Variants in FIGN observed in about 807,000 individuals in gnomAD.
FIGN encodes fidgetin.
Under a neutral mutation model 51.3 loss-of-function variants are expected in FIGN, and 11 were observed. The ratio of observed to expected loss-of-function variants is 0.21; its 90% confidence interval spans 0.13 to 0.35. FIGN has a LOEUF of 0.35. FIGN is among the 10% of genes least tolerant of loss of function. FIGN has a pLI of 1.00. For missense variants in FIGN, 857 were observed against 943.6 expected (o/e 0.91, Z 1.20); for synonymous variants, 407 against 363.2 (o/e 1.12, Z -1.37).
intron 2 of FIGN, among the ~76,000 whole-genome samples, chr2:163,690,904 A>G (rs1432003579): frequency 6.6e-6 from 1 of 152,050 alleles, no homozygotes; most frequent in African/African-American, 2.4e-5. Context: ...TTTTTAAACT[A>G]TAAAACATTT....
intron 2 of FIGN, among the ~76,000 whole-genome samples, chr2:163,709,950 A>T (rs1684561860): frequency 6.6e-6 from 1 of 152,168 alleles, no homozygotes; most frequent in Admixed American, 6.5e-5. Context: ...GACAACCCAT[A>T]AGGAAAATAA....
intron 2 of FIGN, chr2:163,612,466 G>A (rs962986873): frequency 1.4e-5 from 14 of 985,034 alleles, no homozygotes; most frequent in Middle Eastern, 5.2e-4. Context: ...AATCTGCTTC[G>A]TGGAGTGCAG....
chr2:163,647,376 A>G (rs1683398572), intron 2 of FIGN, among the ~76,000 whole-genome samples: 1 of 152,182 alleles, frequency 6.6e-6, no homozygotes, highest in Non-Finnish European at 1.5e-5. Flanking sequence ...AGCATATATA[A>G]TCTAATGGCA....
intron 2 of FIGN, among the ~76,000 whole-genome samples, chr2:163,618,674 C>T (rs1305823834): frequency 3.3e-5 from 5 of 152,108 alleles, no homozygotes; most frequent in South Asian, 2.1e-4. Flanking sequence ...ACACTTCATT[C>T]GTGCCTGGCA....
intron 2 of FIGN, among the ~76,000 whole-genome samples, chr2:163,626,321 T>C (rs1051110175): frequency 5.3e-5 from 8 of 152,114 alleles, no homozygotes; most frequent in Non-Finnish European, 1.0e-4. Flanking sequence ...ACAAAACCTA[T>C]ATCCTGCATC....
At chr2:163,706,766 C>T (rs908983870) in intron 2 of FIGN, among the ~76,000 whole-genome samples, 1 of 152,116 alleles carries the variant, frequency 6.6e-6, no homozygotes, top group African/African-American at 2.4e-5. Flanking sequence ...ATTAGTTGTG[C>T]ATCACACAGG....
chr2:163,633,599 A>C (rs1030920866), intron 2 of FIGN, among the ~76,000 whole-genome samples: 10 of 152,200 alleles, frequency 6.6e-5, no homozygotes, highest in African/African-American at 2.2e-4. Context: ...TGTCTTTCTA[A>C]CTAGCATTGA....
rs1683530681 is a variant in FIGN, at chr2:163,654,652, G to A, written c.26-42846C>T. Among the ~76,000 whole-genome samples, 2 of 152,114 alleles carry A rather than the reference G, an allele frequency of 1.3e-5. 1 individual carries two copies. The highest frequency in any genetic ancestry group is 4.1e-4 in the South Asian group (2 of 4,826). On this transcript the variant is annotated intron_variant, in intron 2 of 2. Transcript: ENST00000333129. Reference sequence around the variant, plus strand: ...AGGCAAGGAAATAAACATCCATTCAGTGCTAGACTCTAGGCCGAGTTATTT... The same window carrying A: ...AGGCAAGGAAATAAACATCCATTCAATGCTAGACTCTAGGCCGAGTTATTT...
At chr2:163,714,060 C>G (rs1175641364) in intron 2 of FIGN, among the ~76,000 whole-genome samples, 1 of 152,202 alleles carries the variant, frequency 6.6e-6, no homozygotes, top group Non-Finnish European at 1.5e-5. Context: ...GACGGCTGCT[C>G]TCCATGCAGA....
chr2:163,666,798 G>A (rs1683780989), intron 2 of FIGN, among the ~76,000 whole-genome samples: 1 of 151,850 alleles, frequency 6.6e-6, no homozygotes, highest in Non-Finnish European at 1.5e-5. Context: ...CACAGCTAGT[G>A]GCAAAATCAG....
At chr2:163,731,878 T>C (rs1302450741) in intron 2 of FIGN, among the ~76,000 whole-genome samples, 2 of 152,156 alleles carry the variant, frequency 1.3e-5, no homozygotes, top group African/African-American at 2.4e-5. Flanking sequence ...GCTATGATTC[T>C]TTCATTTCAG....
Position 163,609,460 on chromosome 2 carries a change from A to T in FIGN, c.*92T>A. On this transcript the variant is annotated 3_prime_UTR_variant, in exon 3 of 3. Transcript: ENST00000333129. ...TCTTCCCCAGTACCCTTTGCAATTTAAACTCTACTGGAAAGGGGCTCTATT... is the reference window on the plus strand; with the variant it reads ...TCTTCCCCAGTACCCTTTGCAATTTTAACTCTACTGGAAAGGGGCTCTATT... The T allele has an allele frequency of 1.8e-6, 2 of 1,123,998 alleles. No individual in the cohort carries two copies. Among genetic ancestry groups the T allele is most frequent in the South Asian group, 1.6e-5 (1 of 63,908 alleles). The allele number at this position is 1,123,998 out of a possible 1,614,324, so 69.6% of individuals were successfully genotyped here.
chr2:163,712,724 T>C (rs750283011), intron 2 of FIGN, among the ~76,000 whole-genome samples: 1 of 152,186 alleles, frequency 6.6e-6, no homozygotes, highest in African/African-American at 2.4e-5. Flanking sequence ...GTTGCCAACA[T>C]GGAAAGAATT....
chr2:163,711,627 ATTTC>A (rs1684589244), intron 2 of FIGN, among the ~76,000 whole-genome samples: 1 of 143,218 alleles, frequency 7.0e-6, no homozygotes, highest in Admixed American at 7.4e-5. Context: ...TCACTTTATA[ATTTC>A]TTTATGAATG....
intron 2 of FIGN, among the ~76,000 whole-genome samples, chr2:163,636,060 A>G (rs981862381): frequency 3.9e-5 from 6 of 152,184 alleles, no homozygotes; most frequent in African/African-American, 1.4e-4. Flanking sequence ...TACTTCCAAA[A>G]TCAGTAGTGT....
At chr2:163,714,205 C>A (rs1343026022) in intron 2 of FIGN, among the ~76,000 whole-genome samples, 2 of 152,136 alleles carry the variant, frequency 1.3e-5, no homozygotes, top group Non-Finnish European at 2.9e-5. Flanking sequence ...CTCTCAGGTA[C>A]CCAGGATTTC....
intron 2 of FIGN, among the ~76,000 whole-genome samples, chr2:163,624,719 T>TTTC (rs1414834653): frequency 4.0e-5 from 6 of 148,286 alleles, no homozygotes; most frequent in African/African-American, 1.2e-4. Flanking sequence ...TTTTTTTTTT[T>TTTC]CCTAGACAAG....
At chr2:163,642,549 G>A (rs1224761861) in intron 2 of FIGN, among the ~76,000 whole-genome samples, 2 of 152,072 alleles carry the variant, frequency 1.3e-5, no homozygotes, top group African/African-American at 4.8e-5. Context: ...GCCTTATCTA[G>A]GATAACCTAG....
intron 2 of FIGN, among the ~76,000 whole-genome samples, chr2:163,707,842 A>C (rs1351281661): frequency 6.6e-6 from 1 of 152,120 alleles, no homozygotes; most frequent in Non-Finnish European, 1.5e-5. Context: ...TATTTAACAG[A>C]GATACTACTG....
Sources: allele counts gnomAD v4.1 joint callset (sites outside exome capture counted in the v4.1 genomes callset), GRCh38; gene constraint gnomAD v4.1.1; transcripts MANE v1.5; gene names NCBI Gene and HGNC (gene_info 2026-07-23, HGNC 2026-07-21).